The following LHFPL3 variants were observed in gnomAD, a reference collection of about 807,000 sequenced individuals.
LHFPL3 encodes the protein LHFPL tetraspan subfamily member 3 protein.
A neutral mutation model predicts 19.3 loss-of-function variants in LHFPL3; 5 were observed. That is an observed-to-expected ratio of 0.26 (90% CI 0.14 to 0.54). The LOEUF is 0.54. Among genes scored for constraint, LHFPL3 ranks in the 20% least tolerant of loss-of-function variants. LHFPL3 has a pLI of 0.94. For synonymous variants in LHFPL3, 133 were observed against 126.2 expected (o/e 1.05, Z -0.36); for missense variants, 249 against 307.4 (o/e 0.81, Z 1.42).
chr7:104,471,028 T>C (rs1024729925), intron 1 of LHFPL3, among the ~76,000 whole-genome samples: 2 of 152,190 alleles, frequency 1.3e-5, no homozygotes, highest in Non-Finnish European at 2.9e-5. Flanking sequence ...AAACTCCCAA[T>C]TTTTCTACCA....
At chr7:104,650,167 A>T (rs535664295) in intron 1 of LHFPL3, among the ~76,000 whole-genome samples, 1 of 152,382 alleles carries the variant, frequency 6.6e-6, no homozygotes, top group South Asian at 2.1e-4. Context: ...GGAGCCTAAG[A>T]TGCCAAGATT....
At chr7:104,430,420 A>G (rs1240509702) in intron 1 of LHFPL3, among the ~76,000 whole-genome samples, 188 of 11,658 alleles carry the variant, frequency 0.016, no homozygotes, top group Non-Finnish European at 0.023. Context: ...ATATATATAC[A>G]TATATATATA....
At chr7:104,687,721 G>A (rs1349192545) in intron 1 of LHFPL3, among the ~76,000 whole-genome samples, 2 of 152,196 alleles carry the variant, frequency 1.3e-5, no homozygotes, top group Non-Finnish European at 2.9e-5. Context: ...ACCAGCATCT[G>A]GAAGCCAGAG....
chr7:104,554,290 A>G (rs1390328952), intron 1 of LHFPL3, among the ~76,000 whole-genome samples: 1 of 152,038 alleles, frequency 6.6e-6, no homozygotes, highest in Non-Finnish European at 1.5e-5. Flanking sequence ...TAATGTTATA[A>G]TTATTTTCAT....
intron 1 of LHFPL3, among the ~76,000 whole-genome samples, chr7:104,660,292 C>T (rs1311126014): frequency 2.6e-5 from 4 of 152,216 alleles, no homozygotes; most frequent in African/African-American, 4.8e-5. Context: ...TGAGCCACCA[C>T]GCCCAGTCAA....
At chr7:104,483,191 C>G (rs552559722) in intron 1 of LHFPL3, among the ~76,000 whole-genome samples, 1 of 152,262 alleles carries the variant, frequency 6.6e-6, no homozygotes, top group African/African-American at 2.4e-5. Context: ...AAACAGGAAC[C>G]AGTCATTTGT....
chr7:104,341,309 A>G (rs1789945530), intron 1 of LHFPL3, among the ~76,000 whole-genome samples: 1 of 152,194 alleles, frequency 6.6e-6, no homozygotes, highest in Non-Finnish European at 1.5e-5. Context: ...TAGCTTTTCT[A>G]AAGAAAGTAA....
At chr7:104,558,995 T>C (rs1275456376) in intron 1 of LHFPL3, among the ~76,000 whole-genome samples, 5 of 148,914 alleles carry the variant, frequency 3.4e-5, no homozygotes, top group African/African-American at 1.3e-4. Flanking sequence ...GTTGTAGATA[T>C]GTGGCGTTAT....
At chr7:104,349,484 G>T (rs773172775) in intron 1 of LHFPL3, among the ~76,000 whole-genome samples, 2 of 152,178 alleles carry the variant, frequency 1.3e-5, no homozygotes, top group African/African-American at 2.4e-5. Flanking sequence ...TTATGATATT[G>T]CTCAGATACA....
intron 2 of LHFPL3, among the ~76,000 whole-genome samples, chr7:104,759,257 C>T (rs1794334989): frequency 6.6e-6 from 1 of 152,008 alleles, no homozygotes; most frequent in Admixed American, 6.6e-5. Flanking sequence ...GGGACTTATC[C>T]CTCATAGAAC....
At chr7:104,583,770 A>T (rs1790508942) in intron 1 of LHFPL3, among the ~76,000 whole-genome samples, 2 of 151,950 alleles carry the variant, frequency 1.3e-5, no homozygotes, top group Non-Finnish European at 2.9e-5. Context: ...ACCATCTCAC[A>T]CCAGTTAGAA....
At chr7:104,779,242 G>A (rs1297443174) in intron 2 of LHFPL3, among the ~76,000 whole-genome samples, 1 of 152,190 alleles carries the variant, frequency 6.6e-6, no homozygotes, top group Non-Finnish European at 1.5e-5. Context: ...GGTCATAGGT[G>A]TAAAGCATGT....
chr7:104,860,397 T>A (rs1791596607), intron 2 of LHFPL3, among the ~76,000 whole-genome samples: 1 of 152,178 alleles, frequency 6.6e-6, no homozygotes, highest in Admixed American at 6.5e-5. Flanking sequence ...GAGTCTCTGT[T>A]TATCAAAGGC....
At chr7:104,862,012 C>T (rs1485756949) in intron 2 of LHFPL3, among the ~76,000 whole-genome samples, 2 of 152,104 alleles carry the variant, frequency 1.3e-5, no homozygotes, top group Non-Finnish European at 2.9e-5. Context: ...TTCCTGGAGG[C>T]AGCAGGTTAG....
At chr7:104,790,657 T>A (rs1790007384) in intron 2 of LHFPL3, among the ~76,000 whole-genome samples, 1 of 152,200 alleles carries the variant, frequency 6.6e-6, no homozygotes, top group Non-Finnish European at 1.5e-5. Context: ...GCCAAGCCCA[T>A]CGTCTAGAAT....
chr7:104,865,462 A>G (rs909604526), intron 2 of LHFPL3, among the ~76,000 whole-genome samples: 1 of 152,232 alleles, frequency 6.6e-6, no homozygotes, highest in Non-Finnish European at 1.5e-5. Context: ...ATCAACTGGA[A>G]GAAAGGGTAT....
At chr7:104,782,036 T>C (rs190421142) in intron 2 of LHFPL3, among the ~76,000 whole-genome samples, 121 of 152,346 alleles carry the variant, frequency 7.9e-4, no homozygotes, top group East Asian at 6.6e-3. Context: ...TATAATATCA[T>C]GGACCAGGAA....
At chr7:104,613,023 C>A (rs1180132493) in intron 1 of LHFPL3, among the ~76,000 whole-genome samples, 1 of 152,148 alleles carries the variant, frequency 6.6e-6, no homozygotes, top group Admixed American at 6.6e-5. Flanking sequence ...AATCATAGCA[C>A]CTGTAATGAA....
At chr7:104,577,774 G>A (rs1790368137) in intron 1 of LHFPL3, among the ~76,000 whole-genome samples, 1 of 152,052 alleles carries the variant, frequency 6.6e-6, no homozygotes. Context: ...CTCCGTGAGT[G>A]GTCATTCTCA....
Sources: allele counts gnomAD v4.1 joint callset (sites outside exome capture counted in the v4.1 genomes callset), GRCh38; gene constraint gnomAD v4.1.1; transcripts MANE v1.5; gene names NCBI Gene and HGNC (gene_info 2026-07-23, HGNC 2026-07-21).